The following PTPRG variants were observed in gnomAD, a reference collection of about 807,000 sequenced individuals.
PTPRG encodes the protein receptor-type tyrosine-protein phosphatase gamma.
In PTPRG, 102 loss-of-function variants were observed where a neutral mutation model predicts 165.3. The ratio of observed to expected loss-of-function variants is 0.62; its 90% CI spans 0.53 to 0.73. The LOEUF (loss-of-function observed/expected upper bound fraction) is 0.73. PTPRG is among the 30% of genes least tolerant of loss of function. The probability of loss-of-function intolerance (pLI) is 0.00; values close to 1 mark genes in which losing one functional copy is unlikely to be tolerated. For synonymous variants in PTPRG, 675 were observed against 669.5 expected, an observed-to-expected ratio of 1.01 and a Z score of -0.13; for missense variants, 1,866 against 1,861.4, an observed-to-expected ratio of 1.00 and a Z score of -0.05.
At chr3:61,780,330 C>T (rs1425849012) in intron 2 of PTPRG, among the ~76,000 whole-genome samples, 1 of 152,156 alleles carries the variant, frequency 6.6e-6, no homozygotes, top group African/African-American at 2.4e-5. Flanking sequence ...GGGCAGGCAG[C>T]CACTTAGGCC....
chr3:61,803,854 G>A (rs1575676665), intron 2 of PTPRG, among the ~76,000 whole-genome samples: 1 of 152,120 alleles, frequency 6.6e-6, no homozygotes, highest in South Asian at 2.1e-4. Context: ...AAGTTGCAAC[G>A]CTAGGGTCTT....
At chr3:62,171,274 A>G (rs4473546) in intron 8 of PTPRG, among the ~76,000 whole-genome samples, 15,702 of 152,232 alleles carry the variant, frequency 0.1, 920 homozygotes, top group Non-Finnish European at 0.13. Context: ...TACACCCAGG[A>G]GTAAAATGGC....
intron 14 of PTPRG, among the ~76,000 whole-genome samples, chr3:62,234,547 C>T (rs151028494): frequency 1.5e-4 from 23 of 152,044 alleles, no homozygotes; most frequent in Admixed American, 5.2e-4. Context: ...AACGGTGTCT[C>T]GGTGTGATTT....
chr3:62,043,920 G>T (rs900197520), intron 4 of PTPRG, among the ~76,000 whole-genome samples: 1 of 152,214 alleles, frequency 6.6e-6, no homozygotes, highest in Admixed American at 6.5e-5. Context: ...GGGGCCTAGT[G>T]CAGATAGTTG....
At chr3:61,831,762 A>G (rs2036301646) in intron 2 of PTPRG, among the ~76,000 whole-genome samples, 1 of 152,206 alleles carries the variant, frequency 6.6e-6, no homozygotes, top group African/African-American at 2.4e-5. Flanking sequence ...TTATGGGTAA[A>G]TGATATTTTT....
intron 6 of PTPRG, among the ~76,000 whole-genome samples, chr3:62,141,119 A>G (rs976079390): frequency 6.6e-6 from 1 of 152,212 alleles, no homozygotes; most frequent in Admixed American, 6.5e-5. Flanking sequence ...GCACATACCA[A>G]ATAGTCAAAT....
At chr3:61,961,062 G>A (rs1030435024) in intron 2 of PTPRG, among the ~76,000 whole-genome samples, 4 of 152,092 alleles carry the variant, frequency 2.6e-5, no homozygotes, top group Non-Finnish European at 5.9e-5. Context: ...TTTGCACAAG[G>A]CCAAACAGGC....
At position 62,203,495 on chromosome 3, in the gene PTPRG, A is replaced by T; in HGVS notation, c.1700A>T (p.Asp567Val). 6.4e-7 allele frequency: 1 copy of T among 1,566,768 alleles called. No homozygotes were observed. The highest frequency in any genetic ancestry group is 2.4e-5 in the East Asian group (1 of 41,810). ...EALASPGPDGDSSPTKDGEGT... is the reference protein window; with the variant it reads ...EALASPGPDGVSSPTKDGEGT... The stretch of plus-strand genomic sequence containing the variant: ...TTGGCTTCTCCAGGGCCCGATGGTG[A>T]TTCGTCACCAACCAAGGACGGCGAG... The change falls in exon 12 of 30, where the codon GAT becomes GTT. Residue 567 changes from aspartate (D) to valine (V), a missense_variant. Physicochemically the swap from Asp to Val is radical, Grantham distance 152. This residue lies in a region of PTPRG where 1,452 missense variants were observed against 1,463.0 expected (regional missense o/e 0.99). Transcript: ENST00000474889. This position sits in a 1 kb window ranked among gnomAD's most constrained non-coding sequence, Gnocchi z 6.4.
At chr3:62,194,918 C>T (rs1699922697) in intron 9 of PTPRG, 144 bp from the exon 10 acceptor site, 2 of 742,262 alleles carry the variant, frequency 2.7e-6, no homozygotes, top group Admixed American at 2.5e-5. Flanking sequence ...TCCAAGCGGT[C>T]TTTCCTTCCA....
At chr3:61,601,089 T>C (rs1382132324) in intron 1 of PTPRG, among the ~76,000 whole-genome samples, 3 of 152,094 alleles carry the variant, frequency 2.0e-5, no homozygotes, top group African/African-American at 7.2e-5. Context: ...ACCCTGTCTC[T>C]ACCAAAAAAT....
intron 4 of PTPRG, among the ~76,000 whole-genome samples, chr3:62,015,839 C>T (rs1222836399): frequency 6.6e-6 from 1 of 152,114 alleles, no homozygotes; most frequent in Non-Finnish European, 1.5e-5. Context: ...GAGGGGATAT[C>T]ATGTTGATGT....
At chr3:61,630,357 C>T (rs1701740803) in intron 1 of PTPRG, among the ~76,000 whole-genome samples, 1 of 152,176 alleles carries the variant, frequency 6.6e-6, no homozygotes. Context: ...TTTCCACCAT[C>T]CTGTATGAAT....
intron 2 of PTPRG, among the ~76,000 whole-genome samples, chr3:61,826,294 T>A (rs1355203855): frequency 6.6e-6 from 1 of 152,180 alleles, no homozygotes; most frequent in Non-Finnish European, 1.5e-5. Flanking sequence ...ATAGTGAATA[T>A]CAATGCTGAT....
intron 5 of PTPRG, among the ~76,000 whole-genome samples, chr3:62,123,836 A>G (rs1450286745): frequency 6.6e-6 from 1 of 152,180 alleles, no homozygotes; most frequent in Admixed American, 6.6e-5. Flanking sequence ...GTGACTGAAT[A>G]CTGGATCCTT....
chr3:61,985,964 C>G (rs561318265), intron 2 of PTPRG, among the ~76,000 whole-genome samples: 1 of 151,966 alleles, frequency 6.6e-6, no homozygotes, highest in Non-Finnish European at 1.5e-5. Flanking sequence ...TAGTGAAGAA[C>G]GAAAAGGAGT....
intron 2 of PTPRG, among the ~76,000 whole-genome samples, chr3:61,831,044 G>GAGGA (rs2036276328): frequency 6.6e-6 from 1 of 152,174 alleles, no homozygotes; most frequent in African/African-American, 2.4e-5. Flanking sequence ...TGTACTGTCT[G>GAGGA]ATATTCTCAA....
chr3:62,220,783 A>G (rs955542205), intron 13 of PTPRG, among the ~76,000 whole-genome samples: 5 of 152,220 alleles, frequency 3.3e-5, no homozygotes, highest in African/African-American at 1.2e-4. Flanking sequence ...TAACAAGGTC[A>G]GCATGCCTAT....
At chr3:61,790,935 A>G (rs2034850896) in intron 2 of PTPRG, among the ~76,000 whole-genome samples, 1 of 152,082 alleles carries the variant, frequency 6.6e-6, no homozygotes, top group African/African-American at 2.4e-5. Context: ...TGAGTTTTTG[A>G]TCTGTTGTAT....
intron 28 of PTPRG, among the ~76,000 whole-genome samples, chr3:62,288,762 T>A (rs1702766954): frequency 6.6e-6 from 1 of 152,054 alleles, no homozygotes; most frequent in Non-Finnish European, 1.5e-5. Flanking sequence ...AGTTTGATAC[T>A]AAATTATGAC....
Sources: allele counts gnomAD v4.1 joint callset (sites outside exome capture counted in the v4.1 genomes callset), GRCh38; gene constraint gnomAD v4.1.1; regional missense constraint gnomAD v4.1.1; non-coding constraint Gnocchi (gnomAD v3.1); transcripts MANE v1.5; gene names NCBI Gene and HGNC (gene_info 2026-07-23, HGNC 2026-07-21).